MACROD2: variants seen among roughly 807,000 people sequenced by gnomAD.
MACROD2 encodes ADP-ribose glycohydrolase MACROD2.
A neutral mutation model predicts 70.4 loss-of-function variants in MACROD2; 36 were observed. The ratio of observed to expected loss-of-function variants is 0.51; its 90% CI spans 0.39 to 0.68. The LOEUF is 0.68. Among genes scored for constraint, MACROD2 ranks in the 30% least tolerant of loss-of-function variants. The pLI, the probability that MACROD2 is intolerant of heterozygous loss-of-function variation, is 0.00. For missense variants in MACROD2, 496 were observed against 538.4 expected (o/e 0.92, Z 0.78); for synonymous variants, 172 against 178.8 (o/e 0.96, Z 0.30).
chr20:15,457,949 G>GAAAAAAA (rs552514425), intron 7 of MACROD2, among the ~76,000 whole-genome samples: 1 of 108,992 alleles, frequency 9.2e-6, no homozygotes. Flanking sequence ...CACCTTAAAT[G>GAAAAAAA]AAAAAAAAAA....
intron 5 of MACROD2, among the ~76,000 whole-genome samples, chr20:14,803,851 G>A (rs2072607157): frequency 6.6e-6 from 1 of 151,914 alleles, no homozygotes; most frequent in Admixed American, 6.6e-5. Context: ...CAGGTAAATG[G>A]GCAAATAATG....
At chr20:15,569,027 T>C (rs1020309851) in intron 8 of MACROD2, among the ~76,000 whole-genome samples, 6 of 152,148 alleles carry the variant, frequency 3.9e-5, no homozygotes, top group African/African-American at 1.4e-4. Flanking sequence ...CTGAAGGCCT[T>C]GACCAGCACG....
intron 8 of MACROD2, among the ~76,000 whole-genome samples, chr20:15,657,574 G>A (rs1023092747): frequency 2.0e-5 from 3 of 152,062 alleles, no homozygotes; most frequent in Non-Finnish European, 2.9e-5. Context: ...AAACTCTAAT[G>A]GTAAAAATGT....
intron 6 of MACROD2, among the ~76,000 whole-genome samples, chr20:15,346,687 C>A (rs1484198669): frequency 6.6e-6 from 1 of 152,138 alleles, no homozygotes; most frequent in Non-Finnish European, 1.5e-5. Flanking sequence ...AGAAGGACAT[C>A]ATTTCTTGAA....
intron 8 of MACROD2, among the ~76,000 whole-genome samples, chr20:15,654,624 AAATGGTT>A (rs2049700316): frequency 6.6e-6 from 1 of 152,174 alleles, no homozygotes; most frequent in Admixed American, 6.5e-5. Flanking sequence ...GGGAGTGGGG[AAATGGTT>A]AAGTCTGTCA....
chr20:14,860,489 G>A (rs1338521978), intron 5 of MACROD2, among the ~76,000 whole-genome samples: 1 of 152,042 alleles, frequency 6.6e-6, no homozygotes, highest in Non-Finnish European at 1.5e-5. Context: ...TCAAGCCTGT[G>A]GGCAGAAAAC....
chr20:15,231,434 G>T (rs1215496292), intron 6 of MACROD2, among the ~76,000 whole-genome samples: 3 of 151,968 alleles, frequency 2.0e-5, no homozygotes, highest in African/African-American at 4.8e-5. Flanking sequence ...ATGGCTTATT[G>T]ATTTAAAAAA....
At chr20:14,415,249 T>C (rs1297009745) in intron 3 of MACROD2, among the ~76,000 whole-genome samples, 2 of 152,230 alleles carry the variant, frequency 1.3e-5, no homozygotes, top group African/African-American at 4.8e-5. Context: ...CACCAAGGAA[T>C]GTACTATGAG....
At chr20:15,371,604 T>C (rs574949355) in intron 6 of MACROD2, among the ~76,000 whole-genome samples, 265 of 152,286 alleles carry the variant, frequency 1.7e-3, no homozygotes, top group African/African-American at 6.2e-3. Context: ...GGATGGATAG[T>C]TTTTATAATG....
At chr20:16,045,475 A>G (rs1026870067) in intron 17 of MACROD2, among the ~76,000 whole-genome samples, 1 of 152,144 alleles carries the variant, frequency 6.6e-6, no homozygotes, top group African/African-American at 2.4e-5. Context: ...GTCCTAAAGA[A>G]TCACCCTAAA....
chr20:15,999,467 G>A (rs1256751115), intron 15 of MACROD2, among the ~76,000 whole-genome samples: 1 of 152,208 alleles, frequency 6.6e-6, no homozygotes, highest in Non-Finnish European at 1.5e-5. Flanking sequence ...TGAATGGAAT[G>A]TTAGGTGTCT....
At chr20:14,094,943 C>T (rs1361109556) in intron 3 of MACROD2, among the ~76,000 whole-genome samples, 4 of 152,098 alleles carry the variant, frequency 2.6e-5, no homozygotes, top group Non-Finnish European at 5.9e-5. Context: ...TTCTCTTTCC[C>T]CCTTTTCCTC....
At chr20:15,877,742 C>T (rs1360680229) in intron 9 of MACROD2, among the ~76,000 whole-genome samples, 4 of 151,986 alleles carry the variant, frequency 2.6e-5, no homozygotes, top group Admixed American at 6.6e-5. Context: ...CCAAATTGTT[C>T]CTAGAAGCTT....
intron 5 of MACROD2, among the ~76,000 whole-genome samples, chr20:14,694,260 A>C (rs1269457212): frequency 6.6e-6 from 1 of 152,220 alleles, no homozygotes; most frequent in Non-Finnish European, 1.5e-5. Context: ...GGAGATAACA[A>C]AGGGAATGCT....
At chr20:15,212,226 T>C (rs966349115) in intron 5 of MACROD2, among the ~76,000 whole-genome samples, 1 of 152,226 alleles carries the variant, frequency 6.6e-6, no homozygotes, top group Non-Finnish European at 1.5e-5. Context: ...CATGCTTAGC[T>C]TTTTTCCTTC....
intron 3 of MACROD2, among the ~76,000 whole-genome samples, chr20:14,294,258 G>A (rs530447547): frequency 2.0e-5 from 3 of 150,694 alleles, no homozygotes; most frequent in Admixed American, 6.6e-5. Context: ...GTTCATGCAT[G>A]TGTGTATAGC....
In MACROD2 at chr20:14,082,180, T is replaced by TC. The variant is rs981780818; in HGVS notation, c.164-3441_164-3440insC. Among the ~76,000 whole-genome samples, 49 of 125,522 alleles carry TC rather than the reference T, an allele frequency of 3.9e-4. No individual in the cohort carries two copies. The South Asian group carries it at 8.5e-3, about 22-fold the overall frequency. 82.3% of individuals were successfully genotyped at this position (125,522 alleles called of 152,430 possible). A position where few individuals can be genotyped will look rare whatever the true frequency, so the allele number is the denominator to read the frequency against. ...TCCCATACCTTTCTTTTTTTTTCTTTTTTTTTTTTTTTTTTTGAGATGTAG... is the reference window on the plus strand; with the variant it reads ...TCCCATACCTTTCTTTTTTTTTCTTTCTTTTTTTTTTTTTTTTGAGATGTAG... On this transcript the variant is annotated intron_variant, in intron 2 of 17. Transcript: ENST00000684519.
chr20:14,757,997 G>A, intron 5 of MACROD2: 2 of 782,992 alleles, frequency 2.6e-6, no homozygotes, highest in East Asian at 2.5e-5. Flanking sequence ...GACTGGGTCA[G>A]CAACTGAATT....
chr20:15,732,791 A>C (rs568733686), intron 8 of MACROD2, among the ~76,000 whole-genome samples: 14 of 150,588 alleles, frequency 9.3e-5, no homozygotes, highest in African/African-American at 3.4e-4. Context: ...TGATATTAGG[A>C]TAATTCCTGC....
Sources: gnomAD v4.1 joint callset for allele counts (sites outside exome capture counted in the v4.1 genomes callset) on GRCh38, gnomAD v4.1.1 for gene constraint, MANE v1.5 for transcripts, NCBI Gene and HGNC (gene_info 2026-07-23, HGNC 2026-07-21) for gene names.